PHACTR1: variants seen among roughly 807,000 people sequenced by gnomAD.
The protein encoded by PHACTR1 is RPEL repeat containing 1.
PHACTR1 carries 16 observed loss-of-function variants against 69.2 expected under a neutral mutation model. The observed-to-expected ratio is 0.23, with a 90% CI of 0.16 to 0.35. The LOEUF (loss-of-function observed/expected upper bound fraction) is 0.35. Ranked by LOEUF, PHACTR1 falls within the 10% of genes least tolerant of loss-of-function variation. PHACTR1 has a pLI of 1.00. For synonymous variants in PHACTR1, 312 were observed against 284.5 expected (o/e 1.10, Z -0.97); for missense variants, 510 against 734.7 (o/e 0.69, Z 3.54).
chr6:13,287,829 C>CCAA lies in PHACTR1; in HGVS notation c.*753_*755dup, dbSNP rs1271083490. 1 of 154,106 alleles carries CCAA rather than the reference C, an allele frequency of 6.5e-6. No homozygotes were observed. The highest frequency in any genetic ancestry group is 1.4e-5 in the Non-Finnish European group (1 of 69,324). The allele number at this position is 154,106 out of a possible 1,614,324, so 9.5% of individuals were successfully genotyped here. Reference sequence around the variant, plus strand: ...CATATGCTCAGTTCAAATAATCAACCCAACTGTGTCCAGAGTGTCCAGTGT... The same window carrying CCAA: ...CATATGCTCAGTTCAAATAATCAACCCAACAACTGTGTCCAGAGTGTCCAGTGT... On this transcript the variant is annotated 3_prime_UTR_variant, in exon 15 of 15. Transcript: ENST00000332995.
chr6:12,954,757 C>T (rs993624599), intron 4 of PHACTR1, among the ~76,000 whole-genome samples: 1 of 152,068 alleles, frequency 6.6e-6, no homozygotes, highest in African/African-American at 2.4e-5. Context: ...ATTGTTCCAC[C>T]CAAGAGATTA....
chr6:13,257,848 C>T (rs1775387032), intron 10 of PHACTR1, among the ~76,000 whole-genome samples: 1 of 152,158 alleles, frequency 6.6e-6, no homozygotes, highest in Admixed American at 6.6e-5. Flanking sequence ...CATGCACGTG[C>T]ATCTCCTGGA....
intron 7 of PHACTR1, among the ~76,000 whole-genome samples, chr6:13,190,196 G>GTTTTTTTTTTTTTTTTTTTTTTTT (rs1220683843): frequency 3.1e-5 from 1 of 31,826 alleles, no homozygotes; most frequent in African/African-American, 1.0e-4. Flanking sequence ...GCTAATTTTT[G>GTTTTTTTTTTTTTTTTTTTTTTTT]TATTTTTTTT....
intron 4 of PHACTR1, among the ~76,000 whole-genome samples, chr6:13,040,299 T>G (rs1561734328): frequency 1.3e-5 from 2 of 152,306 alleles, no homozygotes; most frequent in African/African-American, 2.4e-5. Flanking sequence ...GTGCCTGCCC[T>G]TTTTTCTTTC....
At chr6:13,011,456 C>T (rs1345401593) in intron 4 of PHACTR1, among the ~76,000 whole-genome samples, 2 of 152,200 alleles carry the variant, frequency 1.3e-5, no homozygotes, top group Non-Finnish European at 2.9e-5. Flanking sequence ...CTTTTATACA[C>T]TTAACTTGAA....
chr6:12,844,744 G>T (rs976095586), intron 4 of PHACTR1, among the ~76,000 whole-genome samples: 1 of 151,780 alleles, frequency 6.6e-6, no homozygotes, highest in Non-Finnish European at 1.5e-5. Flanking sequence ...AAGAATTAAA[G>T]GTGAAAGAAA....
chr6:12,940,854 T>C (rs6926919), intron 4 of PHACTR1, among the ~76,000 whole-genome samples: 22,845 of 152,130 alleles, frequency 0.15, 3,810 homozygotes, highest in African/African-American at 0.41. Context: ...TTACTATCTG[T>C]TCATGACGGA....
intron 5 of PHACTR1, among the ~76,000 whole-genome samples, chr6:13,079,592 C>T (rs2127793445): frequency 6.6e-6 from 1 of 152,238 alleles, no homozygotes; most frequent in East Asian, 1.9e-4. Flanking sequence ...TGGCAAGCCA[C>T]TGCTGCATCC....
At chr6:13,075,770 G>A (rs1810362432) in intron 5 of PHACTR1, among the ~76,000 whole-genome samples, 2 of 152,130 alleles carry the variant, frequency 1.3e-5, no homozygotes, top group Admixed American at 1.3e-4. Flanking sequence ...CCCAGCCTGA[G>A]CTCCCTGAAT....
chr6:12,931,547 G>A (rs140459850), intron 4 of PHACTR1, among the ~76,000 whole-genome samples: 1 of 152,046 alleles, frequency 6.6e-6, no homozygotes, highest in Non-Finnish European at 1.5e-5. Flanking sequence ...CTCATACTGT[G>A]GGGCATTGCT....
At chr6:13,124,457 C>G (rs1009222499) in intron 5 of PHACTR1, among the ~76,000 whole-genome samples, 1 of 152,234 alleles carries the variant, frequency 6.6e-6, no homozygotes, top group East Asian at 1.9e-4. Flanking sequence ...AACAGGCTCA[C>G]ATGACTCAGT....
At chr6:13,023,523 A>G (rs899263679) in intron 4 of PHACTR1, among the ~76,000 whole-genome samples, 2 of 152,256 alleles carry the variant, frequency 1.3e-5, no homozygotes, top group Admixed American at 1.3e-4. Flanking sequence ...TAACCTCAGC[A>G]GAGGCTCTTG....
At chr6:12,742,005 T>C (rs887542870) in intron 3 of PHACTR1, among the ~76,000 whole-genome samples, 1 of 152,202 alleles carries the variant, frequency 6.6e-6, no homozygotes, top group Non-Finnish European at 1.5e-5. Flanking sequence ...AGATATTTGA[T>C]GGTTTTGATG....
intron 4 of PHACTR1, among the ~76,000 whole-genome samples, chr6:13,032,854 G>T (rs1188862437): frequency 2.6e-5 from 4 of 152,074 alleles, no homozygotes; most frequent in African/African-American, 9.7e-5. Flanking sequence ...ACTCACCATG[G>T]CCTCCCAAAG....
chr6:13,057,593 C>T (rs1806998157), intron 5 of PHACTR1, among the ~76,000 whole-genome samples: 1 of 152,062 alleles, frequency 6.6e-6, no homozygotes, highest in Non-Finnish European at 1.5e-5. Flanking sequence ...TTATGTGTCT[C>T]TTTGTAATTA....
At chr6:12,965,813 A>C (rs1793411949) in intron 4 of PHACTR1, among the ~76,000 whole-genome samples, 1 of 152,176 alleles carries the variant, frequency 6.6e-6, no homozygotes, top group Non-Finnish European at 1.5e-5. Context: ...CAGTGACTTT[A>C]TGAGACAAAA....
chr6:12,749,927 T>G, intron 4 of PHACTR1, 137 bp downstream of exon 4: 1 of 804,760 alleles, frequency 1.2e-6, no homozygotes, highest in Non-Finnish European at 1.9e-6. Context: ...TCTTTGTGTC[T>G]CCGGTGCGCA....
chr6:13,212,646 G>A (rs375607749), intron 8 of PHACTR1, among the ~76,000 whole-genome samples: 6 of 152,170 alleles, frequency 3.9e-5, no homozygotes, highest in East Asian at 3.9e-4. Flanking sequence ...GGTCTCCCTC[G>A]CTTCATCAGC....
chr6:12,873,818 A>G (rs1478580738), intron 4 of PHACTR1, among the ~76,000 whole-genome samples: 2 of 150,888 alleles, frequency 1.3e-5, no homozygotes, highest in South Asian at 4.2e-4. Flanking sequence ...TACAGTAACA[A>G]CATATGCCTG....
Sources: allele counts gnomAD v4.1 joint callset (sites outside exome capture counted in the v4.1 genomes callset), GRCh38; gene constraint gnomAD v4.1.1; transcripts MANE v1.5; gene names NCBI Gene and HGNC (gene_info 2026-07-23, HGNC 2026-07-21).